ARID1B: variants seen among roughly 807,000 people sequenced by gnomAD.
The protein encoded by ARID1B is AT-rich interactive domain-containing protein 1B.
ARID1B carries 30 observed loss-of-function variants against 212.3 expected under a neutral mutation model. That is an observed-to-expected ratio of 0.14 (90% CI 0.11 to 0.19). ARID1B has a LOEUF of 0.19. Among genes scored for constraint, ARID1B ranks in the 10% least tolerant of loss-of-function variants. The probability of loss-of-function intolerance (pLI) is 1.00; values close to 1 mark genes in which losing one functional copy is unlikely to be tolerated. For synonymous variants in ARID1B, 1,402 were observed against 1,301.7 expected (o/e 1.08, Z -1.66); for missense variants, 2,891 against 3,204.0 (o/e 0.90, Z 2.36).
chr6:156,878,863 A>G (rs1390549167), intron 2 of ARID1B, among the ~76,000 whole-genome samples: 3 of 152,206 alleles, frequency 2.0e-5, no homozygotes, highest in African/African-American at 7.2e-5. Context: ...TGTCATCATC[A>G]TGGGTTTGTT....
chr6:156,821,701 G>T (rs1471463612), intron 1 of ARID1B, among the ~76,000 whole-genome samples: 1 of 152,184 alleles, frequency 6.6e-6, no homozygotes, highest in African/African-American at 2.4e-5. Context: ...GGCATATGTT[G>T]TTATTATTTG....
chr6:157,146,366 G>C (rs1396932065), intron 7 of ARID1B, among the ~76,000 whole-genome samples: 1 of 152,150 alleles, frequency 6.6e-6, no homozygotes, highest in East Asian at 1.9e-4. Flanking sequence ...ACTCCCCTAA[G>C]GTCCTACAGG....
chr6:157,031,129 TAAAG>T lies in ARID1B; in HGVS notation c.2248-53529_2248-53526del, dbSNP rs910919378. Among the ~76,000 whole-genome samples the T allele has an allele frequency of 1.3e-4, 20 of 152,034 alleles. No individual in the cohort carries two copies. In the East Asian group the frequency reaches 1.5e-3, roughly 12 times the overall value. On this transcript the variant is annotated intron_variant, in intron 4 of 19. Transcript: ENST00000636930. ...TCCCAAAAAGTTAATAAAATAATAA[TAAAG>T]AAAAACACGGAACAACTTCTTTGTT...
At chr6:157,149,926 T>A (rs772177376) in intron 8 of ARID1B, 1 of 152,218 alleles carries the variant, frequency 6.6e-6, no homozygotes. Context: ...TTTTTCCAAA[T>A]AATAATAAAT....
At position 156,919,289 on chromosome 6, in the gene ARID1B, T is replaced by A. The variant is rs1012097070; in HGVS notation, c.2137-16177T>A. On this transcript the variant is annotated intron_variant, in intron 3 of 19. Coordinates refer to ENST00000636930, the MANE Select transcript of ARID1B (RefSeq NM_001374828.1). ...TAATGGAAAACTTTCAGTGTTTTTT[T>A]AATATGTTTTGAAGTATAATTGGGA... 5.3e-5 allele frequency among the ~76,000 whole-genome samples: 8 copies of A among 152,222 alleles called. No individual in the cohort carries two copies. The East Asian group carries it at 5.8e-4, about 11-fold the overall frequency.
chr6:157,027,762 A>G (rs975170809), intron 4 of ARID1B, among the ~76,000 whole-genome samples: 1 of 152,340 alleles, frequency 6.6e-6, no homozygotes, highest in South Asian at 2.1e-4. Flanking sequence ...GGGGATGGCC[A>G]TAGCCTGTGT....
chr6:156,778,915 C>CAGG lies in ARID1B; in HGVS notation c.1238_1240dup (p.Gly413dup), dbSNP rs1554247905. Reference sequence around the variant, plus strand: ...GGAGGAGGAGGAGGAGGAGGAGGAGCAGGAGCAGGAGGAGCAGGAGCGGGA... The same window carrying CAGG: ...GGAGGAGGAGGAGGAGGAGGAGGAGCAGGAGGAGCAGGAGGAGCAGGAGCGGGA... On this transcript the variant is annotated inframe_insertion, in exon 1 of 20. Transcript: ENST00000636930. The CAGG allele has an allele frequency of 2.3e-6, 3 of 1,322,330 alleles. No individual in the cohort carries two copies. Among genetic ancestry groups the CAGG allele is most frequent in the African/African-American group, 1.6e-5 (1 of 61,538 alleles). 81.9% of individuals were successfully genotyped at this position (1,322,330 alleles called of 1,614,324 possible). A position where few individuals can be genotyped will look rare whatever the true frequency, so the allele number is the denominator to read the frequency against.
chr6:156,788,589 T>TAGA (rs1376348876), intron 1 of ARID1B, among the ~76,000 whole-genome samples: 8 of 152,186 alleles, frequency 5.3e-5, no homozygotes, highest in Non-Finnish European at 1.0e-4. Flanking sequence ...GTAGGCTTCT[T>TAGA]GGAGATTTTG....
At chr6:157,027,680 A>C (rs1254449307) in intron 4 of ARID1B, among the ~76,000 whole-genome samples, 1 of 152,232 alleles carries the variant, frequency 6.6e-6, no homozygotes, top group African/African-American at 2.4e-5. Context: ...ATTCTCACCT[A>C]ATCAATAAAG....
intron 3 of ARID1B, among the ~76,000 whole-genome samples, chr6:156,905,022 GTTGTC>G (rs761273607): frequency 5.3e-5 from 8 of 152,202 alleles, no homozygotes; most frequent in East Asian, 1.9e-4. Flanking sequence ...AATGTTGAGT[GTTGTC>G]TTGTGTATTT....
chr6:157,198,606 G>A, intron 16 of ARID1B: 1 of 537,492 alleles, frequency 1.9e-6, no homozygotes, highest in Middle Eastern at 4.8e-4. Flanking sequence ...TAGGAGCTTG[G>A]CACCATTCCC....
intron 4 of ARID1B, among the ~76,000 whole-genome samples, chr6:157,064,276 G>A (rs1191770489): frequency 6.6e-6 from 1 of 152,200 alleles, no homozygotes; most frequent in East Asian, 1.9e-4. Flanking sequence ...TTAGGAGTTG[G>A]CCTTGCTCTT....
intron 6 of ARID1B, among the ~76,000 whole-genome samples, chr6:157,125,273 A>G (rs1291392485): frequency 6.6e-6 from 1 of 152,206 alleles, no homozygotes; most frequent in Non-Finnish European, 1.5e-5. Context: ...AAAACCAATA[A>G]GCCTCGGGCC....
chr6:157,172,488 T>C (rs904956350), intron 9 of ARID1B, among the ~76,000 whole-genome samples: 1 of 152,216 alleles, frequency 6.6e-6, no homozygotes, highest in African/African-American at 2.4e-5. Flanking sequence ...CTGACTGGGC[T>C]GCAAATGGGC....
chr6:157,138,632 A>G (rs750967379), intron 7 of ARID1B, among the ~76,000 whole-genome samples: 10 of 152,142 alleles, frequency 6.6e-5, no homozygotes, highest in Non-Finnish European at 1.3e-4. Flanking sequence ...CTTCCCCTGG[A>G]TGGTGATGCA....
intron 15 of ARID1B, chr6:157,194,021 C>T (rs1165038474): frequency 6.6e-6 from 1 of 152,214 alleles, no homozygotes; most frequent in Non-Finnish European, 1.5e-5. Flanking sequence ...TTAACATTGG[C>T]CAATCAGATG....
intron 3 of ARID1B, among the ~76,000 whole-genome samples, chr6:156,911,044 G>T (rs181298878): frequency 6.6e-6 from 1 of 152,322 alleles, no homozygotes; most frequent in Non-Finnish European, 1.5e-5. Flanking sequence ...TTGTGAAATA[G>T]ATGCTTGATG....
chr6:157,187,903 T>G (rs1793090927), intron 13 of ARID1B, among the ~76,000 whole-genome samples: 1 of 152,136 alleles, frequency 6.6e-6, no homozygotes, highest in Admixed American at 6.5e-5. Context: ...GAGCGGAGCC[T>G]GCCTGAATTT....
rs1402951734 is a variant in ARID1B at position 157,190,733 on chromosome 6, G to A, written c.4231+523G>A. Among the ~76,000 whole-genome samples, 1 of 152,138 alleles carries A rather than the reference G, an allele frequency of 6.6e-6. No homozygotes were observed. Among genetic ancestry groups the A allele is most frequent in the African/African-American group, 2.4e-5 (1 of 41,422 alleles). Reference sequence around the variant, plus strand: ...TCCCTGCCTTCTTACTTCCTGGGAGGAAGCAAAAAATAAGTTAAGCACAAA... The same window carrying A: ...TCCCTGCCTTCTTACTTCCTGGGAGAAAGCAAAAAATAAGTTAAGCACAAA... On this transcript the variant is annotated intron_variant, in intron 15 of 19. Coordinates refer to ENST00000636930, the MANE Select transcript of ARID1B (RefSeq NM_001374828.1). This position sits in a 1 kb window ranked among gnomAD's most constrained non-coding sequence, Gnocchi z 4.6.
Sources: gnomAD v4.1 joint callset for allele counts (sites outside exome capture counted in the v4.1 genomes callset) on GRCh38, gnomAD v4.1.1 for gene constraint, Gnocchi (gnomAD v3.1) non-coding constraint, MANE v1.5 for transcripts, NCBI Gene and HGNC (gene_info 2026-07-23, HGNC 2026-07-21) for gene names.